The following RCAN1 variants were observed in gnomAD, a reference collection of about 807,000 sequenced individuals.
RCAN1 encodes regulator of calcineurin 1.
RCAN1 carries 11 observed loss-of-function variants against 22.9 expected under a neutral mutation model. The observed-to-expected ratio is 0.48, with a 90% CI of 0.30 to 0.79. The LOEUF (loss-of-function observed/expected upper bound fraction) is 0.79, where lower values mean the gene tolerates loss of function less well. Ranked by LOEUF, RCAN1 falls within the 30% of genes least tolerant of loss-of-function variation. The pLI is 0.06. For synonymous variants in RCAN1, 136 were observed against 142.3 expected (o/e 0.96, Z 0.32); for missense variants, 291 against 337.8 (o/e 0.86, Z 1.09).
intron 1 of RCAN1, among the ~76,000 whole-genome samples, chr21:34,564,854 G>A (rs1051622177): frequency 6.6e-6 from 1 of 152,060 alleles, no homozygotes; most frequent in African/African-American, 2.4e-5. Context: ...AAGAGAATTA[G>A]CCTTTAAAAC....
At chr21:34,586,199 T>C (rs1171399846) in intron 1 of RCAN1, among the ~76,000 whole-genome samples, 1 of 152,222 alleles carries the variant, frequency 6.6e-6, no homozygotes, top group Non-Finnish European at 1.5e-5. Context: ...CCCAACTGTC[T>C]ATATACGTTG....
chr21:34,530,061 C>T lies in RCAN1; in HGVS notation c.253-6351G>A, dbSNP rs544851408. Among the ~76,000 whole-genome samples, 709 of 152,276 alleles carry T rather than the reference C, an allele frequency of 4.7e-3. 2 individuals carry two copies. The highest frequency in any genetic ancestry group is 6.8e-3 in the Non-Finnish European group (465 of 68,030). ...AATTAAACCTCTTTTTCTTCCCAGTCTTGGGTATGTCTTGTCTTTATCAGC... is the reference window on the plus strand; with the variant it reads ...AATTAAACCTCTTTTTCTTCCCAGTTTTGGGTATGTCTTGTCTTTATCAGC... On this transcript the variant is annotated intron_variant, in intron 1 of 3. Coordinates refer to ENST00000313806, the MANE Select transcript of RCAN1 (RefSeq NM_004414.7).
intron 1 of RCAN1, chr21:34,524,589 T>C (rs2123584084): frequency 6.6e-6 from 1 of 152,626 alleles, no homozygotes; most frequent in East Asian, 1.9e-4. Context: ...TTTTAAAAAT[T>C]TCCACGATCG....
chr21:34,558,201 A>T (rs1986654979), intron 1 of RCAN1, among the ~76,000 whole-genome samples: 1 of 152,178 alleles, frequency 6.6e-6, no homozygotes, highest in Non-Finnish European at 1.5e-5. Context: ...ACTCCGAGGG[A>T]GAAGGCTGTT....
intron 1 of RCAN1, among the ~76,000 whole-genome samples, chr21:34,596,309 G>A (rs189722687): frequency 3.3e-5 from 5 of 152,302 alleles, no homozygotes; most frequent in African/African-American, 4.8e-5. Context: ...TCTCTGTAGC[G>A]TGGTTCCCTC....
At chr21:34,543,741 A>G (rs1451992793) in intron 1 of RCAN1, among the ~76,000 whole-genome samples, 3 of 152,100 alleles carry the variant, frequency 2.0e-5, no homozygotes, top group African/African-American at 7.2e-5. Flanking sequence ...GAGGGATGAC[A>G]TTTTCTTTTT....
intron 1 of RCAN1, among the ~76,000 whole-genome samples, chr21:34,562,121 A>T (rs1438915458): frequency 6.6e-6 from 1 of 152,194 alleles, no homozygotes; most frequent in Non-Finnish European, 1.5e-5. Context: ...AATCTGACTG[A>T]ATGCTCCATG....
At position 34,517,238 on chromosome 21, in the gene RCAN1, G is replaced by A. The variant is rs981870550; in HGVS notation, c.*846C>T. 4.6e-5 allele frequency: 7 copies of A among 152,220 alleles called. No homozygotes were observed. Among genetic ancestry groups the A allele is most frequent in the Non-Finnish European group, 8.8e-5 (6 of 68,034 alleles). 9.4% of individuals were successfully genotyped at this position (152,220 alleles called of 1,614,324 possible). Reference sequence around the variant, plus strand: ...AAAGAAACAACAGAAACTGAGGTCCGATCCCAAACACCTAAACTAAAATTT... The same window carrying A: ...AAAGAAACAACAGAAACTGAGGTCCAATCCCAAACACCTAAACTAAAATTT... On this transcript the variant is annotated 3_prime_UTR_variant, in exon 4 of 4. Coordinates refer to ENST00000313806, the MANE Select transcript of RCAN1 (RefSeq NM_004414.7).
intron 1 of RCAN1, among the ~76,000 whole-genome samples, chr21:34,568,918 T>C (rs754855603): frequency 6.6e-6 from 1 of 152,204 alleles, no homozygotes; most frequent in African/African-American, 2.4e-5. Context: ...CTCAGAATCA[T>C]GGTGAGAGAC....
In RCAN1 at chr21:34,563,790, TATATAGAG is replaced by T. The variant is rs1379981146; in HGVS notation, c.253-40088_253-40081del. Among the ~76,000 whole-genome samples the T allele has an allele frequency of 9.5e-3, 799 of 84,314 alleles. 18 individuals are homozygous for T. The highest frequency in any genetic ancestry group is 0.037 in the African/African-American group (744 of 20,172). 55.3% of individuals were successfully genotyped at this position (84,314 alleles called of 152,430 possible). ...AAAAAAATATATATATATATATATATATATAGAGAGAGAGAGAGAGAGAGAGAGAGGCA... is the reference window on the plus strand; with the variant it reads ...AAAAAAATATATATATATATATATATAGAGAGAGAGAGAGAGAGAGAGGCA... On this transcript the variant is annotated intron_variant, in intron 1 of 3. Coordinates refer to ENST00000313806, the MANE Select transcript of RCAN1 (RefSeq NM_004414.7).
At chr21:34,525,398 C>A (rs1406913405) in intron 1 of RCAN1, 4 of 1,438,574 alleles carry the variant, frequency 2.8e-6, no homozygotes, top group South Asian at 1.5e-5. Flanking sequence ...GCGGAGCTGG[C>A]GGACGGTAGA....
intron 1 of RCAN1, among the ~76,000 whole-genome samples, chr21:34,607,644 G>A (rs116023926): frequency 0.021 from 3,200 of 152,234 alleles, 107 homozygotes; most frequent in African/African-American, 0.073. Context: ...TGGAATTATA[G>A]GCATTAGTCA....
rs972142108 is a variant in RCAN1, at chr21:34,570,530, G to A, written c.252+44230C>T. On this transcript the variant is annotated intron_variant, in intron 1 of 3. Transcript: ENST00000313806. ...AATTAGTGGTCTACCACTGAAACAC[G>A]TGGAGCATGTTTTCCACATATCCAT... Among the ~76,000 whole-genome samples, 12 of 152,172 alleles carry A rather than the reference G, an allele frequency of 7.9e-5. No individual in the cohort carries two copies. In the East Asian group the frequency reaches 9.6e-4, roughly 12 times the overall value.
At chr21:34,566,572 G>A (rs1987014413) in intron 1 of RCAN1, among the ~76,000 whole-genome samples, 1 of 152,082 alleles carries the variant, frequency 6.6e-6, no homozygotes, top group African/African-American at 2.4e-5. Flanking sequence ...AAAAGGGGCA[G>A]AGGAGGGGTC....
intron 1 of RCAN1, among the ~76,000 whole-genome samples, chr21:34,535,633 T>A (rs931301954): frequency 2.0e-5 from 3 of 151,938 alleles, no homozygotes; most frequent in Non-Finnish European, 4.4e-5. Flanking sequence ...GAAAAAAAAA[T>A]AAGAAACGCT....
At chr21:34,525,050 G>A (rs764643432) in intron 1 of RCAN1, 126 of 1,549,596 alleles carry the variant, frequency 8.1e-5, no homozygotes, top group Admixed American at 7.5e-4. Context: ...GGCGCAGGGT[G>A]TGGATGGTAG....
At chr21:34,567,142 T>TC (rs1159779879) in intron 1 of RCAN1, among the ~76,000 whole-genome samples, 1 of 151,632 alleles carries the variant, frequency 6.6e-6, no homozygotes, top group Non-Finnish European at 1.5e-5. Flanking sequence ...ATTTCAAAAT[T>TC]TGTGTAGACA....
At chr21:34,533,967 A>T (rs1261833465) in intron 1 of RCAN1, among the ~76,000 whole-genome samples, 1 of 152,166 alleles carries the variant, frequency 6.6e-6, no homozygotes, top group Non-Finnish European at 1.5e-5. Context: ...AGGGTCATGG[A>T]GAAAGTGGTT....
Position 34,517,419 on chromosome 21 carries a change from C to G in RCAN1, c.*665G>C, listed in dbSNP as rs1041132081. 1 of 152,200 alleles carries G rather than the reference C, an allele frequency of 6.6e-6. No individual in the cohort carries two copies. Among genetic ancestry groups the G allele is most frequent in the Non-Finnish European group, 1.5e-5 (1 of 68,038 alleles). The allele number at this position is 152,200 out of a possible 1,614,324, so 9.4% of individuals were successfully genotyped here. On this transcript the variant is annotated 3_prime_UTR_variant, in exon 4 of 4. Transcript: ENST00000313806. ...TGAATGCATTCCAGGAAGAGTTCCG[C>G]AAGCAAGTGCTGTTGCAAAGAGTCG...
Sources: allele counts gnomAD v4.1 joint callset (sites outside exome capture counted in the v4.1 genomes callset), GRCh38; gene constraint gnomAD v4.1.1; transcripts MANE v1.5; gene names NCBI Gene and HGNC (gene_info 2026-07-23, HGNC 2026-07-21).